Variants in GPALPP1 observed in about 807,000 individuals in gnomAD.
The protein encoded by GPALPP1 is GPALPP motifs containing 1, also known as GPALPP motifs-containing protein 1.
A neutral mutation model predicts 38.9 loss-of-function variants in GPALPP1; 30 were observed. The observed-to-expected ratio is 0.77, with a 90% CI of 0.58 to 1.05. The LOEUF (loss-of-function observed/expected upper bound fraction) is 1.05, where lower values mean the gene tolerates loss of function less well. Ranked by LOEUF, GPALPP1 falls within the 50% of genes least tolerant of loss-of-function variation. The probability of loss-of-function intolerance (pLI) is 0.00; values close to 1 mark genes in which losing one functional copy is unlikely to be tolerated. For synonymous variants in GPALPP1, 120 were observed against 139.2 expected, an observed-to-expected ratio of 0.86 and a Z score of 0.97; for missense variants, 384 against 408.8, an observed-to-expected ratio of 0.94 and a Z score of 0.52.
chr13:45,026,853 T>C (rs1593409525), intron 7 of GPALPP1, among the ~76,000 whole-genome samples: 1 of 152,230 alleles, frequency 6.6e-6, no homozygotes, highest in African/African-American at 2.4e-5. Context: ...TTTTAGGTTT[T>C]TTGTCTCATA....
chr13:45,026,731 A>G (rs1473368113), intron 7 of GPALPP1, among the ~76,000 whole-genome samples: 2 of 152,194 alleles, frequency 1.3e-5, no homozygotes, highest in Non-Finnish European at 2.9e-5. Flanking sequence ...TAAAATACCC[A>G]TTTCTAAAGG....
chr13:45,014,279 T>TTA (rs892670907), intron 4 of GPALPP1, among the ~76,000 whole-genome samples: 1 of 152,188 alleles, frequency 6.6e-6, no homozygotes, highest in African/African-American at 2.4e-5. Flanking sequence ...CTGTAGGGGG[T>TTA]TATAAATATG....
chr13:45,013,165 G>A (rs1394871234), intron 4 of GPALPP1, among the ~76,000 whole-genome samples: 3 of 152,100 alleles, frequency 2.0e-5, no homozygotes, highest in African/African-American at 4.8e-5. Flanking sequence ...TAATTCCTTC[G>A]CCTCGTGATA....
chr13:45,005,015 C>T (rs946905365), intron 2 of GPALPP1: 1 of 140,666 alleles, frequency 7.1e-6, no homozygotes, highest in African/African-American at 2.6e-5. Flanking sequence ...AAATAGGCTA[C>T]ATAAACCATA....
intron 1 of GPALPP1, among the ~76,000 whole-genome samples, chr13:44,996,635 C>G (rs1480959968): frequency 6.6e-6 from 1 of 151,776 alleles, no homozygotes; most frequent in Non-Finnish European, 1.5e-5. Context: ...GGGATGCACC[C>G]TCACATCTGG....
intron 4 of GPALPP1, among the ~76,000 whole-genome samples, chr13:45,011,474 G>A (rs973539454): frequency 3.3e-5 from 5 of 152,096 alleles, no homozygotes; most frequent in Non-Finnish European, 2.9e-5. Context: ...CTACAATCAC[G>A]GTGGAAGGGG....
Position 45,016,383 on chromosome 13 carries a change from G to A in GPALPP1, c.705+787G>A, listed in dbSNP as rs1176315575. Among the ~76,000 whole-genome samples, 3 of 152,032 alleles carry A rather than the reference G, an allele frequency of 2.0e-5. No homozygotes were observed. In the East Asian group the frequency reaches 5.8e-4, roughly 29 times the overall value. ...GCAGGAGAATCACTCAAACCCGGGAGGCAGAGGTTGCAGTGAGCCAAGATT... is the reference window on the plus strand; with the variant it reads ...GCAGGAGAATCACTCAAACCCGGGAAGCAGAGGTTGCAGTGAGCCAAGATT... On this transcript the variant is annotated intron_variant, in intron 6 of 7. Coordinates refer to ENST00000379151, the MANE Select transcript of GPALPP1 (RefSeq NM_018559.5).
chr13:45,032,953 C>T (rs1173717278), downstream of GPALPP1, among the ~76,000 whole-genome samples: 1 of 151,396 alleles, frequency 6.6e-6, no homozygotes, highest in Non-Finnish European at 1.5e-5. Context: ...AGAAGAATTG[C>T]TTGAACCCAG....
intron 1 of GPALPP1, among the ~76,000 whole-genome samples, chr13:44,991,472 G>T (rs940778511): frequency 2.6e-5 from 4 of 151,908 alleles, no homozygotes; most frequent in Non-Finnish European, 5.9e-5. Flanking sequence ...AAGATTCTTC[G>T]TATATATTTG....
At chr13:45,036,543 G>A (rs1267714919) in exon 8 of GPALPP1, 1 of 152,222 alleles carries the variant, frequency 6.6e-6, no homozygotes, top group East Asian at 1.9e-4. Context: ...AGATAACTGT[G>A]CTTTGGCAGC....
At chr13:45,035,411 A>G (rs1876375109) in exon 8 of GPALPP1, 1 of 152,234 alleles carries the variant, frequency 6.6e-6, no homozygotes, top group Admixed American at 6.5e-5. Context: ...CCCTGTATGT[A>G]ACTCCACTAA....
At chr13:44,991,177 G>A (rs931245379) in intron 1 of GPALPP1, among the ~76,000 whole-genome samples, 4 of 152,112 alleles carry the variant, frequency 2.6e-5, no homozygotes, top group Non-Finnish European at 5.9e-5. Context: ...GGCCAGGTGC[G>A]GTGGCTCACG....
At position 45,028,904 on chromosome 13, in the gene GPALPP1, A is replaced by AT. The variant is rs36033321; in HGVS notation, c.*901_*902insT. ...ATCTCTATTAAAAATATATATATAT[A>AT]AAAATTAGCCAGGTGTGGTGGCACG... On this transcript the variant is annotated 3_prime_UTR_variant, in exon 8 of 8. Transcript: ENST00000379151. 0.064 allele frequency: 9,707 copies of AT among 151,422 alleles called. 452 individuals are homozygous for AT. Among genetic ancestry groups the AT allele is most frequent in the Non-Finnish European group, 0.1 (6,837 of 67,752 alleles). 9.4% of individuals were successfully genotyped at this position (151,422 alleles called of 1,614,324 possible). A position where few individuals can be genotyped will look rare whatever the true frequency, so the allele number is the denominator to read the frequency against.
rs1021988978 is a variant in GPALPP1 at position 45,004,809 on chromosome 13, A to T, written c.221+372A>T. ...ACCACAGGTGCCCGCAAATTTTTGTATTTTTTGTAGATTTTTTGGTATTTT... is the reference window on the plus strand; with the variant it reads ...ACCACAGGTGCCCGCAAATTTTTGTTTTTTTTGTAGATTTTTTGGTATTTT... On this transcript the variant is annotated intron_variant, in intron 2 of 7. Transcript: ENST00000379151. Among the ~76,000 whole-genome samples the T allele has an allele frequency of 2.0e-5, 3 of 148,800 alleles. No homozygotes were observed. The East Asian group carries it at 5.9e-4, about 29-fold the overall frequency.
intron 6 of GPALPP1, among the ~76,000 whole-genome samples, chr13:45,018,978 T>TATAC (rs1555256267): frequency 5.0e-4 from 9 of 18,146 alleles, no homozygotes; most frequent in Admixed American, 1.6e-3. Flanking sequence ...TACATATAAA[T>TATAC]ATATATACAT....
At chr13:45,027,745 C>A (rs770367520) in intron 7 of GPALPP1, 40 bp from the exon 8 acceptor site, 1 of 943,912 alleles carries the variant, frequency 1.1e-6, no homozygotes, top group Non-Finnish European at 1.7e-6. Context: ...AATCTATATA[C>A]AAACTATAGT....
chr13:45,002,284 G>C (rs1873746698), intron 1 of GPALPP1: 1 of 152,202 alleles, frequency 6.6e-6, no homozygotes, highest in Non-Finnish European at 1.5e-5. Context: ...CATCAGTATG[G>C]TGACCTCCGG....
chr13:44,991,798 G>T (rs1872825443), intron 1 of GPALPP1, among the ~76,000 whole-genome samples: 1 of 152,164 alleles, frequency 6.6e-6, no homozygotes, highest in Non-Finnish European at 1.5e-5. Flanking sequence ...TAGCATCACA[G>T]ATTCGTTTTG....
Position 44,989,711 on chromosome 13 carries a change from A to G in GPALPP1, c.57A>G (p.Thr19=), listed in dbSNP as rs975142194. 17 of 1,610,996 alleles carry G rather than the reference A, an allele frequency of 1.1e-5. No individual in the cohort carries two copies. In the African/African-American group the frequency reaches 1.7e-4, roughly 16 times the overall value. The stretch of plus-strand genomic sequence containing the variant: ...CGCCCGGCTTCAAGGCCCGCGGAAC[A>G]GCGGAGGACGAAGAGCGGGACCCGA... ...ALPPGFKARG[T]AEDEERDPSP... Residue 19 remains threonine (T), a synonymous_variant, in exon 1 of 8, where the codon ACA becomes ACG. Coordinates refer to ENST00000379151, the MANE Select transcript of GPALPP1 (RefSeq NM_018559.5).
Sources: gnomAD v4.1 joint callset for allele counts (sites outside exome capture counted in the v4.1 genomes callset) on GRCh38, gnomAD v4.1.1 for gene constraint, MANE v1.5 for transcripts, NCBI Gene and HGNC (gene_info 2026-07-23, HGNC 2026-07-21) for gene names.